TRIO: variants seen among roughly 807,000 people sequenced by gnomAD.
The protein encoded by TRIO is triple functional domain protein.
Under a neutral mutation model 351.9 loss-of-function variants are expected in TRIO, and 58 were observed. The ratio of observed to expected loss-of-function variants is 0.16; its 90% CI spans 0.13 to 0.21. TRIO has a LOEUF of 0.21. Ranked by LOEUF, TRIO falls within the 10% of genes least tolerant of loss-of-function variation. The pLI, the probability that TRIO is intolerant of heterozygous loss-of-function variation, is 1.00. For missense variants in TRIO, 3,201 were observed against 4,027.8 expected (o/e 0.79, Z 5.56); for synonymous variants, 1,758 against 1,595.7 (o/e 1.10, Z -2.42).
intron 14 of TRIO, 56 bp from the exon 15 acceptor site, chr5:14,364,594 A>G: frequency 6.5e-7 from 1 of 1,548,654 alleles, no homozygotes; most frequent in Non-Finnish European, 8.7e-7. Flanking sequence ...CCACCCTTTG[A>G]GAACAGAAGG....
At chr5:14,187,631 C>T (rs917157815) in intron 1 of TRIO, among the ~76,000 whole-genome samples, 4 of 152,068 alleles carry the variant, frequency 2.6e-5, no homozygotes, top group African/African-American at 4.8e-5. Context: ...AGAGCAAAAG[C>T]GAATATTTCT....
chr5:14,485,942 C>T (rs1178967973), intron 47 of TRIO, among the ~76,000 whole-genome samples: 4 of 151,872 alleles, frequency 2.6e-5, no homozygotes, highest in African/African-American at 9.7e-5. Flanking sequence ...GAGCTGAGAT[C>T]GCACCATTGC....
At chr5:14,502,529 C>G (rs1002457247) in intron 53 of TRIO, 50 bp from the exon 54 acceptor site, 1 of 1,597,560 alleles carries the variant, frequency 6.3e-7, no homozygotes, top group African/African-American at 1.3e-5. Context: ...CCTTCTTACC[C>G]AAGAAGCTCC....
chr5:14,331,587 A>G (rs963789106), intron 10 of TRIO, among the ~76,000 whole-genome samples: 1 of 152,272 alleles, frequency 6.6e-6, no homozygotes, highest in South Asian at 2.1e-4. Context: ...GTGTTCTGAG[A>G]AGGAGGAACC....
intron 13 of TRIO, among the ~76,000 whole-genome samples, chr5:14,362,612 C>T (rs1744248638): frequency 1.3e-5 from 2 of 152,104 alleles, no homozygotes; most frequent in Admixed American, 6.6e-5. Flanking sequence ...TTTTAGTTTC[C>T]CTGGCGTTTC....
chr5:14,467,081 C>G (rs1323594571), intron 37 of TRIO, among the ~76,000 whole-genome samples: 1 of 152,124 alleles, frequency 6.6e-6, no homozygotes, highest in Non-Finnish European at 1.5e-5. Flanking sequence ...CTTGACTAGC[C>G]ACTAAGGGTC....
intron 1 of TRIO, among the ~76,000 whole-genome samples, chr5:14,225,788 T>TCCCC (rs1472666432): frequency 7.4e-4 from 34 of 46,010 alleles, no homozygotes; most frequent in African/African-American, 1.3e-3. Context: ...TATTCACTGC[T>TCCCC]CCCACCCCCC....
intron 1 of TRIO, among the ~76,000 whole-genome samples, chr5:14,161,971 G>A (rs1291287053): frequency 6.6e-6 from 1 of 152,170 alleles, no homozygotes; most frequent in Non-Finnish European, 1.5e-5. Context: ...TGCCTGTCTT[G>A]GCCTCCTGAA....
intron 8 of TRIO, among the ~76,000 whole-genome samples, chr5:14,316,202 C>G: frequency 6.6e-6 from 1 of 152,310 alleles, no homozygotes; most frequent in South Asian, 2.1e-4. Flanking sequence ...AATAGTATGC[C>G]TATTCATTGA....
At chr5:14,496,177 C>T (rs1448755314) in intron 49 of TRIO, among the ~76,000 whole-genome samples, 1 of 152,190 alleles carries the variant, frequency 6.6e-6, no homozygotes, top group Non-Finnish European at 1.5e-5. Context: ...ACATAATAGA[C>T]TCTAGTATAG....
At chr5:14,465,887 G>A (rs761347753) in intron 37 of TRIO, 2 of 497,088 alleles carry the variant, frequency 4.0e-6, no homozygotes, top group Non-Finnish European at 3.7e-6. Flanking sequence ...ATAGGCAAGG[G>A]AAGAACTGCA....
At chr5:14,379,590 T>G (rs1745885787) in intron 20 of TRIO, among the ~76,000 whole-genome samples, 1 of 152,214 alleles carries the variant, frequency 6.6e-6, no homozygotes, top group Admixed American at 6.5e-5. Context: ...ATTAGACAGT[T>G]TAACCATATT....
chr5:14,165,363 T>C (rs764875627), intron 1 of TRIO, among the ~76,000 whole-genome samples: 3 of 152,154 alleles, frequency 2.0e-5, no homozygotes, highest in Non-Finnish European at 4.4e-5. Context: ...GAACATGCAG[T>C]ATTTGGTTTT....
In TRIO at chr5:14,509,478, T is replaced by TA. The variant is rs1561579626; in HGVS notation, c.*1060dup. On this transcript the variant is annotated 3_prime_UTR_variant, in exon 57 of 57. Transcript: ENST00000344204. ...TGAAATTTGTTGGTTTTGAGGACTG[T>TA]AAAAGTGATTTCATACTCTGAATAT... The TA allele has an allele frequency of 2.2e-6, 1 of 457,398 alleles. No individual in the cohort carries two copies. The highest frequency in any genetic ancestry group is 4.4e-6 in the Non-Finnish European group (1 of 228,060). The allele number at this position is 457,398 out of a possible 1,614,324, so 28.3% of individuals were successfully genotyped here.
At chr5:14,440,529 ACTT>A (rs1171443079) in intron 34 of TRIO, among the ~76,000 whole-genome samples, 8 of 152,226 alleles carry the variant, frequency 5.3e-5, no homozygotes, top group African/African-American at 1.4e-4. Flanking sequence ...ACAAGAAAGA[ACTT>A]CTAAGATACG....
chr5:14,205,284 T>C (rs1372907361), intron 1 of TRIO, among the ~76,000 whole-genome samples: 1 of 152,176 alleles, frequency 6.6e-6, no homozygotes, highest in African/African-American at 2.4e-5. Context: ...GCAAATTCTT[T>C]GGAAAATAGA....
At chr5:14,382,855 C>CTA (rs1554067606) in intron 21 of TRIO, among the ~76,000 whole-genome samples, 3 of 144,464 alleles carry the variant, frequency 2.1e-5, no homozygotes, top group African/African-American at 7.8e-5. Flanking sequence ...GTGTGTGTGT[C>CTA]TGTGTGTGTG....
intron 9 of TRIO, among the ~76,000 whole-genome samples, chr5:14,319,248 A>G (rs1581608642): frequency 6.6e-6 from 1 of 152,336 alleles, no homozygotes; most frequent in East Asian, 1.9e-4. Context: ...TTGCTCATTA[A>G]GGTAAATATT....
chr5:14,350,900 T>C (rs983038904), intron 11 of TRIO, among the ~76,000 whole-genome samples: 2 of 152,118 alleles, frequency 1.3e-5, no homozygotes, highest in African/African-American at 4.8e-5. Context: ...AGGGTGAAAC[T>C]GATCTGCCTC....
Sources: allele counts gnomAD v4.1 joint callset (sites outside exome capture counted in the v4.1 genomes callset), GRCh38; gene constraint gnomAD v4.1.1; transcripts MANE v1.5; gene names NCBI Gene and HGNC (gene_info 2026-07-23, HGNC 2026-07-21).